The following UBASH3B variants were observed in gnomAD, a reference collection of about 807,000 sequenced individuals.
UBASH3B encodes the protein ubiquitin-associated and SH3 domain-containing protein B.
UBASH3B carries 37 observed loss-of-function variants against 83.4 expected under a neutral mutation model. The observed-to-expected ratio is 0.44, with a 90% CI of 0.34 to 0.58. UBASH3B has a LOEUF of 0.58. UBASH3B is among the 20% of genes least tolerant of loss of function. UBASH3B has a pLI of 0.01. For missense variants in UBASH3B, 657 were observed against 827.2 expected (o/e 0.79, Z 2.52); for synonymous variants, 304 against 318.3 (o/e 0.96, Z 0.48).
At chr11:122,721,732 C>T (rs1000980950) in intron 1 of UBASH3B, among the ~76,000 whole-genome samples, 14 of 152,186 alleles carry the variant, frequency 9.2e-5, no homozygotes, top group African/African-American at 3.4e-4. Flanking sequence ...TTCCTTTTTA[C>T]CCTAGTGAGG....
chr11:122,726,932 A>T (rs1355849469), intron 1 of UBASH3B, among the ~76,000 whole-genome samples: 3 of 152,242 alleles, frequency 2.0e-5, no homozygotes, highest in Admixed American at 1.3e-4. Context: ...TTTCTGGCAG[A>T]AGGGATGCTC....
chr11:122,690,019 A>G (rs1863861868), intron 1 of UBASH3B, among the ~76,000 whole-genome samples: 1 of 150,636 alleles, frequency 6.6e-6, no homozygotes, highest in African/African-American at 2.4e-5. Context: ...TTACCTCAGC[A>G]TTTCTTCCCC....
At chr11:122,783,463 C>T (rs1860893557) in intron 5 of UBASH3B, among the ~76,000 whole-genome samples, 1 of 151,968 alleles carries the variant, frequency 6.6e-6, no homozygotes, top group African/African-American at 2.4e-5. Flanking sequence ...AGTTCTGTCT[C>T]CCCTGCCAAT....
intron 1 of UBASH3B, among the ~76,000 whole-genome samples, chr11:122,737,569 A>G (rs1860954406): frequency 6.6e-6 from 1 of 150,668 alleles, no homozygotes; most frequent in Non-Finnish European, 1.5e-5. Flanking sequence ...TTCTACATAA[A>G]CTCCTGAATT....
chr11:122,755,489 C>T (rs1380279794), intron 1 of UBASH3B, among the ~76,000 whole-genome samples: 1 of 152,090 alleles, frequency 6.6e-6, no homozygotes. Flanking sequence ...GCTGGTCTGA[C>T]ACCGAGGAGC....
intron 1 of UBASH3B, among the ~76,000 whole-genome samples, chr11:122,751,577 G>C (rs1861200142): frequency 6.6e-6 from 1 of 152,244 alleles, no homozygotes; most frequent in Non-Finnish European, 1.5e-5. Flanking sequence ...TACTCGGCCA[G>C]AACTGTTGTG....
rs563941056 is a variant in UBASH3B, at chr11:122,811,168, C to T, written c.*1282C>T. ...GAAATAAATGACAATCAAACCAAAT[C>T]ATCAGTTATCAATGTCTGTTTAATT... On this transcript the variant is annotated 3_prime_UTR_variant, in exon 14 of 14. Transcript: ENST00000284273. 6.5e-6 allele frequency: 1 copy of T among 152,688 alleles called. No individual in the cohort carries two copies. Among genetic ancestry groups the T allele is most frequent in the South Asian group, 2.1e-4 (1 of 4,820 alleles). 9.5% of individuals were successfully genotyped at this position (152,688 alleles called of 1,614,324 possible).
chr11:122,806,993 G>C lies in UBASH3B; in HGVS notation c.1702+477G>C, dbSNP rs1247592372. Among the ~76,000 whole-genome samples, 1 of 152,160 alleles carries C rather than the reference G, an allele frequency of 6.6e-6. No homozygotes were observed. The highest frequency in any genetic ancestry group is 1.9e-4 in the East Asian group (1 of 5,206). On this transcript the variant is annotated intron_variant, in intron 12 of 13. Coordinates refer to ENST00000284273, the MANE Select transcript of UBASH3B (RefSeq NM_032873.5). This position sits in a 1 kb window ranked among gnomAD's most constrained non-coding sequence, Gnocchi z 4.0. Reference sequence around the variant, plus strand: ...GCTCAAATATTTAATATGTAAGACTGTTCACTATCAATTTTTTAGTGAAAA... The same window carrying C: ...GCTCAAATATTTAATATGTAAGACTCTTCACTATCAATTTTTTAGTGAAAA...
At chr11:122,707,910 G>C (rs910900731) in intron 1 of UBASH3B, among the ~76,000 whole-genome samples, 1 of 152,142 alleles carries the variant, frequency 6.6e-6, no homozygotes, top group African/African-American at 2.4e-5. Flanking sequence ...GGCCAGGCTG[G>C]TCTCGAACTC....
chr11:122,789,028 A>T (rs1782022164), intron 5 of UBASH3B, 72 bp from the exon 6 acceptor site: 4 of 1,387,234 alleles, frequency 2.9e-6, no homozygotes, highest in Admixed American at 1.7e-5. Context: ...TGCAGAACAT[A>T]CAGTCCTGCC....
At chr11:122,722,895 C>T (rs1860665340) in intron 1 of UBASH3B, among the ~76,000 whole-genome samples, 1 of 151,916 alleles carries the variant, frequency 6.6e-6, no homozygotes, top group African/African-American at 2.4e-5. Flanking sequence ...TTAGTAGAGG[C>T]GGGGTTTCAC....
rs533815380 is a variant in UBASH3B, at chr11:122,710,153, C to CAA, written c.161+53961_161+53962dup. 1.7e-3 allele frequency among the ~76,000 whole-genome samples: 108 copies of CAA among 65,044 alleles called. 2 individuals carry two copies. The East Asian group carries it at 0.025, about 15-fold the overall frequency. The allele number at this position is 65,044 out of a possible 152,430, so 42.7% of individuals were successfully genotyped here. On this transcript the variant is annotated intron_variant, in intron 1 of 13. Coordinates refer to ENST00000284273, the MANE Select transcript of UBASH3B (RefSeq NM_032873.5). The stretch of plus-strand genomic sequence containing the variant: ...CCTGGGCGACAGAGTGAGACTGTCT[C>CAA]AAAAAAAAAAAAAAAAAAAGCATTC...
chr11:122,668,525 G>T (rs916544884), intron 1 of UBASH3B, among the ~76,000 whole-genome samples: 5 of 152,138 alleles, frequency 3.3e-5, no homozygotes, highest in African/African-American at 1.2e-4. Flanking sequence ...ACTTGTACCA[G>T]TGATAGGATA....
chr11:122,794,763 G>A lies in UBASH3B; in HGVS notation c.1042G>A (p.Glu348Lys). The change falls in exon 7 of 14, where the codon GAG becomes AAG. Residue 348 changes from glutamate to lysine, a missense_variant. By Grantham distance (56) the Glu-to-Lys change is moderately conservative. Coordinates refer to ENST00000284273, the MANE Select transcript of UBASH3B (RefSeq NM_032873.5). ...TCTCACGTTTGGGGATGGAGTATTG[G>A]AGAGGCGGCCTTATGAGGACCAGGG... is the stretch of plus-strand genomic sequence containing the variant. ...NSLTFGDGVLERRPYEDQGLG... is the reference protein window; with the variant it reads ...NSLTFGDGVLKRRPYEDQGLG... 6.2e-7 allele frequency: 1 copy of A among 1,614,154 alleles called. No homozygotes were observed.
At chr11:122,695,411 G>A (rs567372045) in intron 1 of UBASH3B, among the ~76,000 whole-genome samples, 1 of 152,182 alleles carries the variant, frequency 6.6e-6, no homozygotes, top group Admixed American at 6.5e-5. Context: ...TCCAGTACTC[G>A]TGCCAGCAGG....
chr11:122,701,503 A>G (rs1318568538), intron 1 of UBASH3B, among the ~76,000 whole-genome samples: 1 of 152,126 alleles, frequency 6.6e-6, no homozygotes, highest in East Asian at 1.9e-4. Flanking sequence ...ACAGTTTCCA[A>G]CGTCTGTGTA....
chr11:122,726,313 A>G (rs145713101), intron 1 of UBASH3B: 2,343 of 149,654 alleles, frequency 0.016, 59 homozygotes, highest in African/African-American at 0.054. Flanking sequence ...TAAAAAGATC[A>G]CCTTTCGGCA....
chr11:122,721,178 AG>A (rs1422934153), intron 1 of UBASH3B, among the ~76,000 whole-genome samples: 1 of 133,092 alleles, frequency 7.5e-6, no homozygotes, highest in African/African-American at 2.8e-5. Context: ...CCGGTGGTGG[AG>A]GTTTGCAGTG....
At chr11:122,760,236 T>G (rs886675485) in intron 1 of UBASH3B, among the ~76,000 whole-genome samples, 1 of 151,896 alleles carries the variant, frequency 6.6e-6, no homozygotes, top group Non-Finnish European at 1.5e-5. Context: ...CCCAGACAGG[T>G]AGGGACCACT....
Sources: allele counts gnomAD v4.1 joint callset (sites outside exome capture counted in the v4.1 genomes callset), GRCh38; gene constraint gnomAD v4.1.1; non-coding constraint Gnocchi (gnomAD v3.1); transcripts MANE v1.5; gene names NCBI Gene and HGNC (gene_info 2026-07-23, HGNC 2026-07-21).